Variants in MAPK10 observed in about 807,000 individuals in gnomAD.
MAPK10 encodes the protein JNK3 alpha protein kinase.
MAPK10 carries 25 observed loss-of-function variants against 59.3 expected under a neutral mutation model. That is an observed-to-expected ratio of 0.42 (90% CI 0.31 to 0.59). The LOEUF is 0.59. Among genes scored for constraint, MAPK10 ranks in the 20% least tolerant of loss-of-function variants. The pLI is 0.15. For missense variants in MAPK10, 351 were observed against 568.9 expected (o/e 0.62, Z 3.90); for synonymous variants, 190 against 200.5 (o/e 0.95, Z 0.44).
chr4:86,103,105 G>GTA (rs2055828217), intron 6 of MAPK10, 81 bp downstream of exon 6: 3 of 793,844 alleles, frequency 3.8e-6, no homozygotes, highest in Non-Finnish European at 6.7e-6. Flanking sequence ...GTGTGTGTGT[G>GTA]TGTGTGTGTG....
At chr4:86,498,644 T>G (rs1008763654) in intron 1 of MAPK10, among the ~76,000 whole-genome samples, 1 of 152,182 alleles carries the variant, frequency 6.6e-6, no homozygotes, top group African/African-American at 2.4e-5. Context: ...ATAACAGCAC[T>G]GCTATAATAA....
chr4:86,480,941 T>C (rs984623631), intron 1 of MAPK10, among the ~76,000 whole-genome samples: 1 of 152,182 alleles, frequency 6.6e-6, no homozygotes, highest in African/African-American at 2.4e-5. Context: ...GGGAATGATC[T>C]AACAGTAACA....
At chr4:86,465,774 T>C (rs766039750) in intron 1 of MAPK10, among the ~76,000 whole-genome samples, 1 of 152,114 alleles carries the variant, frequency 6.6e-6, no homozygotes, top group Non-Finnish European at 1.5e-5. Context: ...TCCGGGAGGA[T>C]CCTGAGGACC....
chr4:86,179,061 G>T (rs905772178), intron 3 of MAPK10, among the ~76,000 whole-genome samples: 7 of 152,002 alleles, frequency 4.6e-5, no homozygotes, highest in Admixed American at 4.6e-4. Flanking sequence ...AATTAGCCAG[G>T]CATGGTGGTC....
At chr4:86,375,380 T>C (rs921602473) in intron 1 of MAPK10, among the ~76,000 whole-genome samples, 13 of 152,196 alleles carry the variant, frequency 8.5e-5, no homozygotes, top group Non-Finnish European at 1.3e-4. Context: ...GTGATGAATT[T>C]GGAATAGACA....
At chr4:86,063,217 T>C (rs557499933) in intron 11 of MAPK10, among the ~76,000 whole-genome samples, 3 of 152,274 alleles carry the variant, frequency 2.0e-5, no homozygotes, top group African/African-American at 7.2e-5. Flanking sequence ...TAGTGAAGAA[T>C]GAAGAAATGA....
intron 2 of MAPK10, among the ~76,000 whole-genome samples, chr4:86,198,934 G>T (rs1174409542): frequency 6.6e-6 from 1 of 151,716 alleles, no homozygotes; most frequent in Non-Finnish European, 1.5e-5. Flanking sequence ...CATGAAAAAA[G>T]AAATATACGA....
chr4:86,344,358 G>A lies in MAPK10; in HGVS notation c.-7+10172C>T, dbSNP rs116420968. ...TGGCCTCAAACTCCTGGGCTCAAGCGATCCTGCCTCAGCCTCCCAAAGAGC... is the reference window on the plus strand; with the variant it reads ...TGGCCTCAAACTCCTGGGCTCAAGCAATCCTGCCTCAGCCTCCCAAAGAGC... On this transcript the variant is annotated intron_variant, in intron 2 of 13. Transcript: ENST00000641462. Among the ~76,000 whole-genome samples, 1,319 of 152,204 alleles carry A rather than the reference G, an allele frequency of 8.7e-3. 24 individuals carry two copies. Among genetic ancestry groups the A allele is most frequent in the African/African-American group, 0.03 (1,238 of 41,522 alleles).
chr4:86,044,744 G>A (rs1407721388), intron 11 of MAPK10: 2 of 397,566 alleles, frequency 5.0e-6, no homozygotes, highest in Non-Finnish European at 4.4e-6. Context: ...CTCATAATGC[G>A]TCACAGGTTT....
Position 86,347,812 on chromosome 4 carries a change from C to T in MAPK10, c.-7+6718G>A, listed in dbSNP as rs572101686. 2.0e-5 allele frequency among the ~76,000 whole-genome samples: 3 copies of T among 152,210 alleles called. No individual in the cohort carries two copies. In the East Asian group the frequency reaches 5.8e-4, roughly 29 times the overall value. Reference sequence around the variant, plus strand: ...CACCTCTGTTTTCATGACCTAATCACCTCTCAAAGGCCCCATCTCCTAATA... The same window carrying T: ...CACCTCTGTTTTCATGACCTAATCATCTCTCAAAGGCCCCATCTCCTAATA... On this transcript the variant is annotated intron_variant, in intron 2 of 13. Coordinates refer to ENST00000641462, the MANE Select transcript of MAPK10 (RefSeq NM_138982.4).
At chr4:86,335,020 C>A (rs1720306526) in intron 2 of MAPK10, 1 of 152,014 alleles carries the variant, frequency 6.6e-6, no homozygotes, top group Non-Finnish European at 1.5e-5. Flanking sequence ...TTAATGCCAA[C>A]AGGAAAATAC....
chr4:86,486,330 T>C (rs1329503080), intron 1 of MAPK10, among the ~76,000 whole-genome samples: 3 of 152,018 alleles, frequency 2.0e-5, no homozygotes, highest in Non-Finnish European at 2.9e-5. Flanking sequence ...CACACATGCA[T>C]AACCACACTG....
chr4:86,157,650 C>A (rs2068226825), intron 4 of MAPK10, among the ~76,000 whole-genome samples: 1 of 151,764 alleles, frequency 6.6e-6, no homozygotes, highest in African/African-American at 2.4e-5. Context: ...TTGACAAAGG[C>A]AATATAAAAA....
At chr4:86,135,797 G>A (rs1443374871) in intron 4 of MAPK10, among the ~76,000 whole-genome samples, 1 of 152,100 alleles carries the variant, frequency 6.6e-6, no homozygotes, top group Non-Finnish European at 1.5e-5. Context: ...AAAAAATTTA[G>A]AAGAATGTAT....
Position 86,012,141 on chromosome 4 carries a change from C to T in MAPK10, c.*5087G>A, listed in dbSNP as rs571603838. The T allele has an allele frequency of 6.6e-6, 1 of 152,040 alleles. No individual in the cohort carries two copies. Among genetic ancestry groups the T allele is most frequent in the African/African-American group, 2.4e-5 (1 of 41,402 alleles). The allele number at this position is 152,040 out of a possible 1,614,324, so 9.4% of individuals were successfully genotyped here. The stretch of plus-strand genomic sequence containing the variant: ...CTTTTTTTTCTTCATTGATTTTATA[C>T]CTTAAAAAGAAATTACTGAATTGCA... On this transcript the variant is annotated 3_prime_UTR_variant, in exon 14 of 14. Transcript: ENST00000641462.
At chr4:86,022,514 ATTTC>A (rs1747761818) in intron 13 of MAPK10, among the ~76,000 whole-genome samples, 2 of 149,390 alleles carry the variant, frequency 1.3e-5, no homozygotes, top group South Asian at 2.1e-4. Context: ...TTTCTTCTTT[ATTTC>A]TTTTTTTAAG....
intron 1 of MAPK10, among the ~76,000 whole-genome samples, chr4:86,411,000 C>T (rs2149026871): frequency 6.6e-6 from 1 of 152,226 alleles, no homozygotes; most frequent in East Asian, 1.9e-4. Flanking sequence ...GTTAGGGTGT[C>T]AATTTTAGAT....
intron 1 of MAPK10, chr4:86,358,472 G>T: frequency 1.6e-6 from 1 of 615,638 alleles, no homozygotes; most frequent in Non-Finnish European, 2.0e-6. Context: ...ATGGCCAGAA[G>T]CAGGCAGGGC....
intron 4 of MAPK10, among the ~76,000 whole-genome samples, chr4:86,150,441 C>T (rs888322624): frequency 6.6e-6 from 1 of 152,058 alleles, no homozygotes; most frequent in Non-Finnish European, 1.5e-5. Flanking sequence ...TTGTACTTCA[C>T]AAGCCATTGA....
Sources: gnomAD v4.1 joint callset for allele counts (sites outside exome capture counted in the v4.1 genomes callset) on GRCh38, gnomAD v4.1.1 for gene constraint, MANE v1.5 for transcripts, NCBI Gene and HGNC (gene_info 2026-07-23, HGNC 2026-07-21) for gene names.